ADARB2: variants seen among roughly 807,000 people sequenced by gnomAD.
ADARB2 encodes the protein adenosine deaminase RNA specific B2 (inactive).
A neutral mutation model predicts 62.2 loss-of-function variants in ADARB2; 25 were observed. That is an observed-to-expected ratio of 0.40 (90% CI 0.29 to 0.56). ADARB2 has a LOEUF of 0.56. Among genes scored for constraint, ADARB2 ranks in the 20% least tolerant of loss-of-function variants. The pLI, the probability that ADARB2 is intolerant of heterozygous loss-of-function variation, is 0.43. For synonymous variants in ADARB2, 572 were observed against 500.8 expected, an observed-to-expected ratio of 1.14 and a Z score of -1.90; for missense variants, 1,071 against 1,077.4, an observed-to-expected ratio of 0.99 and a Z score of 0.08.
At chr10:1,515,909 C>T (rs911915060) in intron 1 of ADARB2, among the ~76,000 whole-genome samples, 3 of 152,222 alleles carry the variant, frequency 2.0e-5, no homozygotes, top group Non-Finnish European at 2.9e-5. Flanking sequence ...GTGCCACTAT[C>T]ACCTCTCCAA....
intron 4 of ADARB2, among the ~76,000 whole-genome samples, chr10:1,260,421 A>G (rs1000790350): frequency 6.6e-6 from 1 of 151,466 alleles, no homozygotes; most frequent in Non-Finnish European, 1.5e-5. Context: ...TCAGCCCAAA[A>G]TCTCCTTAAG....
chr10:1,317,198 G>GTCTT (rs1311710787), intron 3 of ADARB2, among the ~76,000 whole-genome samples: 2 of 152,168 alleles, frequency 1.3e-5, no homozygotes, highest in African/African-American at 4.8e-5. Context: ...TGTGCTTAAA[G>GTCTT]TCTTACTTAT....
intron 1 of ADARB2, among the ~76,000 whole-genome samples, chr10:1,388,588 AAAATT>A (rs1832543275): frequency 6.6e-6 from 1 of 152,182 alleles, no homozygotes; most frequent in South Asian, 2.1e-4. Flanking sequence ...GAAAAAGTGG[AAAATT>A]AAATTAATAA....
At chr10:1,400,987 C>T (rs950572426) in intron 1 of ADARB2, among the ~76,000 whole-genome samples, 2 of 152,156 alleles carry the variant, frequency 1.3e-5, no homozygotes, top group African/African-American at 2.4e-5. Flanking sequence ...CTGTCTCCAC[C>T]GGAACCTTAA....
chr10:1,359,878 C>G (rs1271268920), intron 3 of ADARB2, among the ~76,000 whole-genome samples: 1 of 152,266 alleles, frequency 6.6e-6, no homozygotes, highest in African/African-American at 2.4e-5. Flanking sequence ...GTAGGCTCCT[C>G]AGCGGTGTCT....
chr10:1,220,524 C>T (rs941542887), intron 6 of ADARB2, among the ~76,000 whole-genome samples: 1 of 152,116 alleles, frequency 6.6e-6, no homozygotes, highest in African/African-American at 2.4e-5. Flanking sequence ...TTATGAACAT[C>T]AACTTTCTGC....
intron 1 of ADARB2, among the ~76,000 whole-genome samples, chr10:1,659,185 G>A (rs1310046137): frequency 6.6e-6 from 1 of 152,184 alleles, no homozygotes; most frequent in African/African-American, 2.4e-5. Flanking sequence ...ATCGACATCT[G>A]TTAATTTATC....
chr10:1,321,134 C>T (rs931615538), intron 3 of ADARB2, among the ~76,000 whole-genome samples: 42 of 152,178 alleles, frequency 2.8e-4, no homozygotes, highest in Admixed American at 2.0e-3. Context: ...GAACCCAAAT[C>T]CATCCCATTG....
At chr10:1,469,517 A>G (rs1182751142) in intron 1 of ADARB2, among the ~76,000 whole-genome samples, 1 of 152,248 alleles carries the variant, frequency 6.6e-6, no homozygotes, top group Non-Finnish European at 1.5e-5. Flanking sequence ...CAAGTTCTTG[A>G]GAAGTCCCAA....
rs529756972 is a variant in ADARB2 at position 1,396,426 on chromosome 10, T to C, written c.101-17266A>G. On this transcript the variant is annotated intron_variant, in intron 1 of 9. Coordinates refer to ENST00000381312, the MANE Select transcript of ADARB2 (RefSeq NM_018702.4). ...GATAGAAAAGCCTGTCATTCATTAC[T>C]TCCATCATTCATTTGTTCAACAAAA... 5.3e-5 allele frequency among the ~76,000 whole-genome samples: 8 copies of C among 152,280 alleles called. 1 individual carries two copies. In the South Asian group the frequency reaches 1.5e-3, roughly 28 times the overall value.
intron 1 of ADARB2, among the ~76,000 whole-genome samples, chr10:1,515,993 A>G (rs918543290): frequency 6.6e-6 from 1 of 152,224 alleles, no homozygotes; most frequent in African/African-American, 2.4e-5. Flanking sequence ...CTTTGCCTCC[A>G]TATCTGTGGG....
intron 1 of ADARB2, among the ~76,000 whole-genome samples, chr10:1,537,512 C>T (rs1351146881): frequency 5.9e-5 from 9 of 152,302 alleles, no homozygotes; most frequent in East Asian, 1.9e-4. Context: ...CACATGCACA[C>T]GTATGTTTAT....
intron 1 of ADARB2, among the ~76,000 whole-genome samples, chr10:1,603,035 AAC>A (rs1363412064): frequency 1.7e-4 from 25 of 149,198 alleles, no homozygotes; most frequent in Non-Finnish European, 3.4e-4. Flanking sequence ...CATCAATATA[AAC>A]ACACACGCAC....
chr10:1,631,548 G>C (rs1340613074), intron 1 of ADARB2, among the ~76,000 whole-genome samples: 2 of 152,214 alleles, frequency 1.3e-5, no homozygotes, highest in African/African-American at 4.8e-5. Context: ...TGATGCCTGG[G>C]AAGGACTTCT....
Position 1,247,025 on chromosome 10 carries a change from G to T in ADARB2, c.1193-4726C>A, listed in dbSNP as rs1038698459. Reference sequence around the variant, plus strand: ...TTATTTCATTGAGCAGTGGTTTGTAGTTCTCCTTGAAGAGGTCCTTCACAT... The same window carrying T: ...TTATTTCATTGAGCAGTGGTTTGTATTTCTCCTTGAAGAGGTCCTTCACAT... On this transcript the variant is annotated intron_variant, in intron 4 of 9. Transcript: ENST00000381312. Among the ~76,000 whole-genome samples, 6 of 152,122 alleles carry T rather than the reference G, an allele frequency of 3.9e-5. No individual in the cohort carries two copies. The South Asian group carries it at 6.2e-4, about 16-fold the overall frequency.
intron 1 of ADARB2, among the ~76,000 whole-genome samples, chr10:1,546,320 A>G (rs548184621): frequency 6.6e-6 from 1 of 152,354 alleles, no homozygotes; most frequent in Non-Finnish European, 1.5e-5. Context: ...GATGTAGGTC[A>G]AAACCCTGGT....
At chr10:1,570,828 ACCG>A (rs1450526520) in intron 1 of ADARB2, among the ~76,000 whole-genome samples, 2 of 151,984 alleles carry the variant, frequency 1.3e-5, no homozygotes, top group Admixed American at 6.6e-5. Context: ...CAGAGAGAAC[ACCG>A]CATGCTGGAA....
intron 3 of ADARB2, among the ~76,000 whole-genome samples, chr10:1,331,457 A>G (rs1831926979): frequency 6.6e-6 from 1 of 152,224 alleles, no homozygotes; most frequent in African/African-American, 2.4e-5. Flanking sequence ...CGTATGCCAC[A>G]CCCTAAAGAC....
intron 3 of ADARB2, among the ~76,000 whole-genome samples, chr10:1,316,370 C>T (rs1161160932): frequency 6.6e-6 from 1 of 152,242 alleles, no homozygotes; most frequent in Non-Finnish European, 1.5e-5. Flanking sequence ...TCACCCATAA[C>T]GTGGCCTTGT....
Sources: gnomAD v4.1 joint callset for allele counts (sites outside exome capture counted in the v4.1 genomes callset) on GRCh38, gnomAD v4.1.1 for gene constraint, MANE v1.5 for transcripts, NCBI Gene and HGNC (gene_info 2026-07-23, HGNC 2026-07-21) for gene names.